Variants in PIK3R1 observed in about 807,000 individuals in gnomAD.
The protein encoded by PIK3R1 is phosphatidylinositol 3-kinase regulatory subunit alpha.
A neutral mutation model predicts 98.0 loss-of-function variants in PIK3R1; 29 were observed. That is an observed-to-expected ratio of 0.30 (90% CI 0.22 to 0.40). PIK3R1 has a LOEUF of 0.40. PIK3R1 is among the 10% of genes least tolerant of loss of function. The pLI, the probability that PIK3R1 is intolerant of heterozygous loss-of-function variation, is 1.00. For synonymous variants in PIK3R1, 282 were observed against 311.8 expected, an observed-to-expected ratio of 0.90 and a Z score of 1.01; for missense variants, 596 against 872.7, an observed-to-expected ratio of 0.68 and a Z score of 3.99.
At chr5:68,295,067 C>A in intron 12 of PIK3R1, 81 bp from the exon 13 acceptor site, 1 of 1,176,398 alleles carries the variant, frequency 8.5e-7, no homozygotes, top group Non-Finnish European at 1.2e-6. Flanking sequence ...TGCTGGGAAA[C>A]CATAGTGAAA....
intron 2 of PIK3R1, among the ~76,000 whole-genome samples, chr5:68,235,044 A>G (rs760905534): frequency 1.2e-4 from 18 of 152,216 alleles, no homozygotes; most frequent in Non-Finnish European, 1.5e-5. Context: ...TAGATATAAT[A>G]TGTTAACTTT....
intron 2 of PIK3R1, among the ~76,000 whole-genome samples, chr5:68,251,401 A>G (rs1401494934): frequency 6.6e-6 from 1 of 151,928 alleles, no homozygotes; most frequent in East Asian, 1.9e-4. Context: ...GGACCCTGTT[A>G]GGTTCCTTTT....
chr5:68,267,366 C>T (rs1385942061), intron 2 of PIK3R1, among the ~76,000 whole-genome samples: 1 of 152,118 alleles, frequency 6.6e-6, no homozygotes, highest in South Asian at 2.1e-4. Context: ...AGTCTGTTGT[C>T]TAGAAATAAA....
chr5:68,220,520 A>G (rs561413964), intron 1 of PIK3R1, among the ~76,000 whole-genome samples: 1 of 152,292 alleles, frequency 6.6e-6, no homozygotes, highest in Non-Finnish European at 1.5e-5. Flanking sequence ...CACCTGGGCC[A>G]GGGTCATTCC....
intron 7 of PIK3R1, among the ~76,000 whole-genome samples, chr5:68,290,420 T>A (rs1321534245): frequency 6.6e-6 from 1 of 152,190 alleles, no homozygotes; most frequent in South Asian, 2.1e-4. Context: ...AAACAAGGAA[T>A]TAGAAAACTC....
At position 68,280,749 on chromosome 5, in the gene PIK3R1, CAT is replaced by C. The variant is rs1171757769; in HGVS notation, c.836+21_836+22del. On this transcript the variant is annotated intron_variant, in intron 6 of 15. Coordinates refer to ENST00000521381, the MANE Select transcript of PIK3R1 (RefSeq NM_181523.3). The stretch of plus-strand genomic sequence containing the variant: ...AGCCAGGTAAGTGAAAGGAGACAAA[CAT>C]GTATTTTGGGGTGATGAGGGTAGTC... 6.2e-7 allele frequency: 1 copy of C among 1,607,022 alleles called. No individual in the cohort carries two copies. The highest frequency in any genetic ancestry group is 1.3e-5 in the African/African-American group (1 of 74,756).
intron 4 of PIK3R1, among the ~76,000 whole-genome samples, chr5:68,277,942 G>A (rs752442898): frequency 6.6e-6 from 1 of 152,022 alleles, no homozygotes; most frequent in African/African-American, 2.4e-5. Context: ...GCCCACCTTT[G>A]CTCCACTGAG....
At chr5:68,221,788 A>T (rs929258613) in intron 1 of PIK3R1, among the ~76,000 whole-genome samples, 1 of 152,228 alleles carries the variant, frequency 6.6e-6, no homozygotes, top group African/African-American at 2.4e-5. Context: ...CATCAGAAAC[A>T]ATTTTATTTT....
chr5:68,255,478 C>T (rs1312639737), intron 2 of PIK3R1, among the ~76,000 whole-genome samples: 4 of 152,140 alleles, frequency 2.6e-5, no homozygotes, highest in Non-Finnish European at 5.9e-5. Context: ...TCTTCATGAC[C>T]TTCATAGACT....
At chr5:68,278,527 C>T (rs968560672) in intron 4 of PIK3R1, among the ~76,000 whole-genome samples, 6 of 152,108 alleles carry the variant, frequency 3.9e-5, no homozygotes, top group African/African-American at 1.4e-4. Flanking sequence ...CTAACCATTC[C>T]TAGTTAGAAC....
chr5:68,248,582 G>T (rs1745189873), intron 2 of PIK3R1, among the ~76,000 whole-genome samples: 1 of 152,030 alleles, frequency 6.6e-6, no homozygotes, highest in Non-Finnish European at 1.5e-5. Context: ...CTTTACGTCT[G>T]TTCATATTTG....
At chr5:68,267,286 C>G (rs565149538) in intron 2 of PIK3R1, among the ~76,000 whole-genome samples, 1 of 152,096 alleles carries the variant, frequency 6.6e-6, no homozygotes, top group Non-Finnish European at 1.5e-5. Flanking sequence ...TAGCTAAGCC[C>G]GTCAGAAACA....
rs1415535344 is a variant in PIK3R1, at chr5:68,280,806, T to C, written c.836+77T>C. ...ATGGATTGGTCATGAAAATGTATTC[T>C]GAATATACTACTCCAGAGATGCATG... On this transcript the variant is annotated intron_variant, in intron 6 of 15. Transcript: ENST00000521381. The C allele has an allele frequency of 2.3e-6, 3 of 1,329,332 alleles. No individual in the cohort carries two copies. The Admixed American group carries it at 5.1e-5, about 23-fold the overall frequency. The allele number at this position is 1,329,332 out of a possible 1,614,324, so 82.3% of individuals were successfully genotyped here. A position where few individuals can be genotyped will look rare whatever the true frequency, so the allele number is the denominator to read the frequency against.
chr5:68,226,645 T>C lies in PIK3R1; in HGVS notation c.-31T>C. The stretch of plus-strand genomic sequence containing the variant: ...ATCAGACTGCTCTGTACAACCAGGC[T>C]CAACTGTTGCATGGTAGCAGATTTG... On this transcript the variant is annotated 5_prime_UTR_variant, in exon 2 of 16. Coordinates refer to ENST00000521381, the MANE Select transcript of PIK3R1 (RefSeq NM_181523.3). 6.4e-7 allele frequency: 1 copy of C among 1,557,290 alleles called. No homozygotes were observed. The highest frequency in any genetic ancestry group is 8.8e-7 in the Non-Finnish European group (1 of 1,131,272).
At chr5:68,282,705 A>T (rs1233384316) in intron 7 of PIK3R1, among the ~76,000 whole-genome samples, 1 of 152,174 alleles carries the variant, frequency 6.6e-6, no homozygotes, top group Non-Finnish European at 1.5e-5. Context: ...ATGTCAAAGG[A>T]CCCTACATTT....
At chr5:68,240,769 C>A (rs1481273448) in intron 2 of PIK3R1, among the ~76,000 whole-genome samples, 1 of 152,068 alleles carries the variant, frequency 6.6e-6, no homozygotes, top group Non-Finnish European at 1.5e-5. Context: ...TTTTTCCTTC[C>A]TTCCTTTCTT....
intron 8 of PIK3R1, 90 bp downstream of exon 8, chr5:68,292,451 C>A: frequency 7.0e-7 from 1 of 1,436,434 alleles, no homozygotes; most frequent in Non-Finnish European, 9.7e-7. Flanking sequence ...AGGATATCAT[C>A]CAACATAAGC....
At chr5:68,232,285 GTTTCCCTAA>G (rs1744506712) in intron 2 of PIK3R1, among the ~76,000 whole-genome samples, 1 of 152,084 alleles carries the variant, frequency 6.6e-6, no homozygotes, top group Non-Finnish European at 1.5e-5. Flanking sequence ...TGTTAACTTT[GTTTCCCTAA>G]AAATGTGTAA....
chr5:68,224,480 C>G (rs1744208064), intron 1 of PIK3R1, among the ~76,000 whole-genome samples: 1 of 152,158 alleles, frequency 6.6e-6, no homozygotes, highest in Non-Finnish European at 1.5e-5. Flanking sequence ...ATATGTAACT[C>G]TCCTAAGTGT....
Sources: gnomAD v4.1 joint callset for allele counts (sites outside exome capture counted in the v4.1 genomes callset) on GRCh38, gnomAD v4.1.1 for gene constraint, MANE v1.5 for transcripts, NCBI Gene and HGNC (gene_info 2026-07-23, HGNC 2026-07-21) for gene names.